SLC2A9: variants seen among roughly 807,000 people sequenced by gnomAD.
The protein encoded by SLC2A9 is solute carrier family 2 member 9.
SLC2A9 carries 39 observed loss-of-function variants against 50.6 expected under a neutral mutation model. The ratio of observed to expected loss-of-function variants is 0.77; its 90% CI spans 0.60 to 1.01. SLC2A9 has a LOEUF of 1.01. Among genes scored for constraint, SLC2A9 ranks in the 50% least tolerant of loss-of-function variants. SLC2A9 has a pLI of 0.00. For missense variants in SLC2A9, 686 were observed against 677.6 expected (o/e 1.01, Z -0.14); for synonymous variants, 324 against 276.9 (o/e 1.17, Z -1.69).
intron 1 of SLC2A9, among the ~76,000 whole-genome samples, chr4:10,027,972 C>A (rs1353050026): frequency 6.6e-6 from 1 of 152,206 alleles, no homozygotes; most frequent in Non-Finnish European, 1.5e-5. Flanking sequence ...GAATCCACCT[C>A]TCTTCCAGGC....
intron 10 of SLC2A9, among the ~76,000 whole-genome samples, chr4:9,885,093 T>A (rs906617925): frequency 1.3e-5 from 2 of 152,102 alleles, no homozygotes; most frequent in African/African-American, 4.8e-5. Context: ...TTAATTGCTG[T>A]CGATAAGTAC....
intron 5 of SLC2A9, among the ~76,000 whole-genome samples, chr4:9,961,776 C>A (rs1752312319): frequency 6.6e-6 from 1 of 152,122 alleles, no homozygotes; most frequent in South Asian, 2.1e-4. Flanking sequence ...AAACAGACAG[C>A]CTACAGAATG....
chr4:10,022,659 C>G (rs758191290), upstream of SLC2A9, among the ~76,000 whole-genome samples: 83 of 152,196 alleles, frequency 5.5e-4, no homozygotes, highest in Non-Finnish European at 7.6e-4. Context: ...CAAGGTAGGG[C>G]TCAGTCCACA....
At chr4:9,953,873 C>T (rs1750738099) in intron 5 of SLC2A9, among the ~76,000 whole-genome samples, 1 of 152,166 alleles carries the variant, frequency 6.6e-6, no homozygotes, top group Non-Finnish European at 1.5e-5. Context: ...GCAACGGCAA[C>T]ATCTTGGCTC....
intron 2 of SLC2A9, among the ~76,000 whole-genome samples, chr4:10,005,305 G>A (rs966114842): frequency 1.3e-5 from 2 of 152,222 alleles, no homozygotes; most frequent in African/African-American, 4.8e-5. Flanking sequence ...AGAAACCGGA[G>A]ACCACAGGTT....
At chr4:10,028,894 C>A (rs1179951797) in intron 1 of SLC2A9, 1 of 152,300 alleles carries the variant, frequency 6.6e-6, no homozygotes, top group Non-Finnish European at 1.5e-5. Flanking sequence ...TGCCCCTCAC[C>A]GCCCTGGGGT....
chr4:9,848,926 T>A (rs1729433856), intron 10 of SLC2A9, among the ~76,000 whole-genome samples: 1 of 152,132 alleles, frequency 6.6e-6, no homozygotes, highest in African/African-American at 2.4e-5. Flanking sequence ...CTGGTCTCAA[T>A]CTCCTGACCT....
intron 11 of SLC2A9, among the ~76,000 whole-genome samples, chr4:9,831,247 C>T (rs1275329491): frequency 6.6e-6 from 1 of 152,056 alleles, no homozygotes; most frequent in East Asian, 1.9e-4. Context: ...GAGTCCTAAG[C>T]CCTAGCACCT....
intron 3 of SLC2A9, chr4:9,783,353 C>T (rs943389257): frequency 2.5e-6 from 4 of 1,614,116 alleles, no homozygotes; most frequent in South Asian, 1.1e-5. Flanking sequence ...CCAGATCTAT[C>T]AGACGTCCCC....
At chr4:9,983,579 G>A (rs1756238198) in intron 4 of SLC2A9, among the ~76,000 whole-genome samples, 3 of 152,150 alleles carry the variant, frequency 2.0e-5, no homozygotes, top group African/African-American at 7.2e-5. Context: ...GACCATCCCA[G>A]GTCATCCAGC....
chr4:9,938,239 T>C (rs901117204), intron 6 of SLC2A9, among the ~76,000 whole-genome samples: 1 of 151,924 alleles, frequency 6.6e-6, no homozygotes, highest in East Asian at 1.9e-4. Flanking sequence ...ATTTTCTGTG[T>C]CTCCAACCCA....
chr4:10,021,887 T>C (rs1440315572), upstream of SLC2A9, among the ~76,000 whole-genome samples: 1 of 151,518 alleles, frequency 6.6e-6, no homozygotes. Context: ...TTGCCCGGGC[T>C]GGAGTGCACT....
intron 1 of SLC2A9, among the ~76,000 whole-genome samples, chr4:9,771,909 G>A (rs528040935): frequency 6.6e-6 from 1 of 152,356 alleles, no homozygotes; most frequent in South Asian, 2.1e-4. Flanking sequence ...GCTGGGAGAA[G>A]AGGACAGCGT....
intron 2 of SLC2A9, among the ~76,000 whole-genome samples, chr4:10,015,577 C>T (rs187833463): frequency 6.6e-6 from 1 of 152,254 alleles, no homozygotes; most frequent in Non-Finnish European, 1.5e-5. Flanking sequence ...GGAGATGAGG[C>T]CTTTGGGAGG....
Position 9,880,365 on chromosome 4 carries a change from G to C in SLC2A9, c.1291+7202C>G, listed in dbSNP as rs536811052. The C allele has an allele frequency of 1.3e-3, 1,326 of 985,634 alleles. 3 individuals carry two copies. The highest frequency in any genetic ancestry group is 2.3e-3 in the Admixed American group (38 of 16,296). The allele number at this position is 985,634 out of a possible 1,614,324, so 61.1% of individuals were successfully genotyped here. ...AGGAAGCGGAGGGCAGGGGCTGACAGGTGATCTGGGATTGGGAGGTGCAGG... is the reference window on the plus strand; with the variant it reads ...AGGAAGCGGAGGGCAGGGGCTGACACGTGATCTGGGATTGGGAGGTGCAGG... On this transcript the variant is annotated intron_variant, in intron 10 of 11. Coordinates refer to ENST00000264784, the MANE Select transcript of SLC2A9 (RefSeq NM_020041.3).
At chr4:9,915,376 T>C (rs1742678137) in intron 7 of SLC2A9, among the ~76,000 whole-genome samples, 1 of 152,238 alleles carries the variant, frequency 6.6e-6, no homozygotes, top group African/African-American at 2.4e-5. Context: ...TATCTGGGAT[T>C]ACAGGCATGT....
Position 9,845,394 on chromosome 4 carries a change from A to C in SLC2A9, c.1292-10386T>G, listed in dbSNP as rs1728795551. Among the ~76,000 whole-genome samples, 3 of 151,130 alleles carry C rather than the reference A, an allele frequency of 2.0e-5. No homozygotes were observed. In the South Asian group the frequency reaches 6.2e-4, roughly 31 times the overall value. On this transcript the variant is annotated intron_variant, in intron 10 of 11. Transcript: ENST00000264784. ...GCTTTTCCTTAATTCATATTTATTAAAATTATTCCAATGGAACCACGATCA... is the reference window on the plus strand; with the variant it reads ...GCTTTTCCTTAATTCATATTTATTACAATTATTCCAATGGAACCACGATCA...
At chr4:9,822,821 A>AT (rs1039984827), downstream of SLC2A9, among the ~76,000 whole-genome samples, 3 of 151,996 alleles carry the variant, frequency 2.0e-5, no homozygotes, top group East Asian at 5.8e-4. Flanking sequence ...GTTTGATCAC[A>AT]TTTTTTTCCC....
intron 3 of SLC2A9, among the ~76,000 whole-genome samples, chr4:9,789,612 G>T (rs1382219258): frequency 6.6e-6 from 1 of 152,252 alleles, no homozygotes; most frequent in Non-Finnish European, 1.5e-5. Flanking sequence ...GTTAAGCGGA[G>T]AATGTTGAGC....
Sources: allele counts gnomAD v4.1 joint callset (sites outside exome capture counted in the v4.1 genomes callset), GRCh38; gene constraint gnomAD v4.1.1; transcripts MANE v1.5; gene names NCBI Gene and HGNC (gene_info 2026-07-23, HGNC 2026-07-21).